The following ASB16 variants were observed in gnomAD, a reference collection of about 807,000 sequenced individuals.
ASB16 encodes ankyrin repeat and SOCS box protein 16.
In ASB16, 44 loss-of-function variants were observed where a neutral mutation model predicts 39.1. That is an observed-to-expected ratio of 1.13 (90% confidence interval 0.88 to 1.45). The LOEUF is 1.45. Ranked by LOEUF, ASB16 falls within the 40% of genes most tolerant of loss-of-function variation. ASB16 has a pLI of 0.00. For synonymous variants in ASB16, 305 were observed against 286.7 expected, an observed-to-expected ratio of 1.06 and a Z score of -0.64; for missense variants, 698 against 634.5, an observed-to-expected ratio of 1.10 and a Z score of -1.07.
Position 44,177,087 on chromosome 17 carries a change from G to T in ASB16, c.919G>T (p.Gly307Trp). ...CCTGGCCGAGCTGCTGCTGCGTTACGGGGCCCGCGCTGAGGTCCCCAATGG... is the reference window on the plus strand; with the variant it reads ...CCTGGCCGAGCTGCTGCTGCGTTACTGGGCCCGCGCTGAGGTCCCCAATGG... ...GGLAELLLRY[G>W]ARAEVPNGAG... The change falls in exon 3 of 5, where the codon GGG becomes TGG. Residue 307 changes from glycine (G) to tryptophan (W), a missense_variant. Physicochemically the swap from Gly to Trp is radical, Grantham distance 184. Coordinates refer to ENST00000293414, the MANE Select transcript of ASB16 (RefSeq NM_080863.5). 1 of 1,475,298 alleles carries T rather than the reference G, an allele frequency of 6.8e-7. No homozygotes were observed. The highest frequency in any genetic ancestry group is 8.9e-7 in the Non-Finnish European group (1 of 1,124,438). 91.4% of individuals were successfully genotyped at this position (1,475,298 alleles called of 1,614,324 possible).
In ASB16 at chr17:44,177,068, C is replaced by A. The variant is rs926436702; in HGVS notation, c.900C>A (p.Ala300=). Residue 300 remains alanine (A), a synonymous_variant, in exon 3 of 5, where the codon GCC becomes GCA. Coordinates refer to ENST00000293414, the MANE Select transcript of ASB16 (RefSeq NM_080863.5). The part of the protein sequence containing the change: ...NACANGCGGL[A]ELLLRYGARA... The stretch of plus-strand genomic sequence containing the variant: ...GTGCCAACGGCTGCGGGGGCCTGGC[C>A]GAGCTGCTGCTGCGTTACGGGGCCC... 1 of 1,472,334 alleles carries A rather than the reference C, an allele frequency of 6.8e-7. No individual in the cohort carries two copies. The highest frequency in any genetic ancestry group is 8.9e-7 in the Non-Finnish European group (1 of 1,124,836). 91.2% of individuals were successfully genotyped at this position (1,472,334 alleles called of 1,614,324 possible).
chr17:44,173,829 G>A (rs1279310302), intron 2 of ASB16, among the ~76,000 whole-genome samples: 2 of 152,062 alleles, frequency 1.3e-5, no homozygotes, highest in Non-Finnish European at 2.9e-5. Context: ...AAAGTGGGAA[G>A]AGAGGTATGG....
intron 2 of ASB16, chr17:44,176,391 C>G (rs1213902622): frequency 2.9e-5 from 9 of 315,614 alleles, no homozygotes; most frequent in Admixed American, 4.9e-5. Flanking sequence ...CAACTGACAA[C>G]TGAATGATTC....
Position 44,177,043 on chromosome 17 carries a change from G to C in ASB16, c.875G>C (p.Cys292Ser), listed in dbSNP as rs2054304655. 6.7e-7 allele frequency: 1 copy of C among 1,487,394 alleles called. No individual in the cohort carries two copies. The highest frequency in any genetic ancestry group is 2.5e-5 in the Admixed American group (1 of 40,350). 92.1% of individuals were successfully genotyped at this position (1,487,394 alleles called of 1,614,324 possible). Residue 292 changes from cysteine to serine, a missense_variant, in exon 3 of 5, where the codon TGT becomes TCT. Transcript: ENST00000293414. ...RKRHTPLHNA[C>S]ANGCGGLAEL... The stretch of plus-strand genomic sequence containing the variant: ...CGCCACACGCCGCTGCACAACGCTT[G>C]TGCCAACGGCTGCGGGGGCCTGGCC...
rs534308231 is a variant in ASB16 at position 44,170,882 on chromosome 17, G to A, written c.93G>A (p.Ala31=). The part of the protein sequence containing the change: ...EWLEWEDRRR[A]AAQQCRSRRC... ...TGGAATGGGAGGACCGGCGGCGGGCGGCTGCCCAGCAGTGCCGGAGCCGCA... is the reference window on the plus strand; with the variant it reads ...TGGAATGGGAGGACCGGCGGCGGGCAGCTGCCCAGCAGTGCCGGAGCCGCA... The change falls in exon 1 of 5, where the codon GCG becomes GCA. Residue 31 remains alanine, a synonymous_variant. Coordinates refer to ENST00000293414, the MANE Select transcript of ASB16 (RefSeq NM_080863.5). 15 of 1,611,520 alleles carry A rather than the reference G, an allele frequency of 9.3e-6. No homozygotes were observed. Among genetic ancestry groups the A allele is most frequent in the Admixed American group, 5.0e-5 (3 of 59,970 alleles).
chr17:44,177,053 C>T lies in ASB16; in HGVS notation c.885C>T (p.Gly295=). ...CGCTGCACAACGCTTGTGCCAACGG[C>T]TGCGGGGGCCTGGCCGAGCTGCTGC... ...HTPLHNACAN[G]CGGLAELLLR... Residue 295 remains glycine, a synonymous_variant, in exon 3 of 5, where the codon GGC becomes GGT. Coordinates refer to ENST00000293414, the MANE Select transcript of ASB16 (RefSeq NM_080863.5). 1.4e-6 allele frequency: 2 copies of T among 1,473,644 alleles called. No homozygotes were observed. Among genetic ancestry groups the T allele is most frequent in the Non-Finnish European group, 8.9e-7 (1 of 1,126,008 alleles). 91.3% of individuals were successfully genotyped at this position (1,473,644 alleles called of 1,614,324 possible).
chr17:44,177,558 C>G (rs775855615), intron 3 of ASB16, 51 bp from the exon 4 acceptor site: 1 of 1,589,202 alleles, frequency 6.3e-7, no homozygotes, highest in Admixed American at 1.7e-5. Flanking sequence ...AGACTTGGGT[C>G]TGCCCTCGGG....
At chr17:44,178,103 A>G in intron 4 of ASB16, 102 bp from the exon 5 acceptor site, 4 of 1,238,600 alleles carry the variant, frequency 3.2e-6, no homozygotes, top group Non-Finnish European at 4.6e-6. Context: ...CACATGAAAC[A>G]CCCAGGTGGG....
At position 44,172,268 on chromosome 17, in the gene ASB16, A is replaced by G; in HGVS notation, c.524A>G (p.Glu175Gly). ...FGAKANVLTE[E>G]GTTPLHLCTI... ...GCCAAGGCTAATGTGCTGACTGAGG[A>G]GGGCACGACTCCTTTGCACCTCTGC... The change falls in exon 2 of 5, where the codon GAG becomes GGG. Residue 175 changes from glutamate (E) to glycine (G), a missense_variant. Glu to Gly is a moderately conservative substitution (Grantham distance 98). Transcript: ENST00000293414. 1 of 1,613,676 alleles carries G rather than the reference A, an allele frequency of 6.2e-7. No individual in the cohort carries two copies. Among genetic ancestry groups the G allele is most frequent in the Non-Finnish European group, 8.5e-7 (1 of 1,180,028 alleles).
In ASB16 at chr17:44,176,962, C is replaced by T; in HGVS notation, c.794C>T (p.Ala265Val). 6.7e-7 allele frequency: 1 copy of T among 1,488,966 alleles called. No individual in the cohort carries two copies. Among genetic ancestry groups the T allele is most frequent in the African/African-American group, 1.5e-5 (1 of 68,446 alleles). 92.2% of individuals were successfully genotyped at this position (1,488,966 alleles called of 1,614,324 possible). A position where few individuals can be genotyped will look rare whatever the true frequency, so the allele number is the denominator to read the frequency against. Residue 265 changes from alanine (A) to valine (V), a missense_variant, in exon 3 of 5, where the codon GCT becomes GTT. Coordinates refer to ENST00000293414, the MANE Select transcript of ASB16 (RefSeq NM_080863.5). ...CCAGGTAGCTGCAGGCGACACCAGGCTGCGGCGCGCCGGCTCCTGGAGGCT... is the reference window on the plus strand; with the variant it reads ...CCAGGTAGCTGCAGGCGACACCAGGTTGCGGCGCGCCGGCTCCTGGAGGCT... ...EGPGSCRRHQAAARRLLEAGA... is the reference protein window; with the variant it reads ...EGPGSCRRHQVAARRLLEAGA...
chr17:44,177,557 T>G, intron 3 of ASB16, 52 bp from the exon 4 acceptor site: 1 of 1,588,568 alleles, frequency 6.3e-7, no homozygotes, highest in Non-Finnish European at 8.6e-7. Context: ...AAGACTTGGG[T>G]CTGCCCTCGG....
intron 4 of ASB16, 146 bp from the exon 5 acceptor site, chr17:44,178,059 G>A (rs1002626997): frequency 3.6e-5 from 30 of 834,024 alleles, no homozygotes; most frequent in Non-Finnish European, 5.5e-5. Flanking sequence ...ATCACTGCAG[G>A]GCCTCTATGG....
rs77412055 is a variant in ASB16, at chr17:44,171,735, C to T, written c.302-311C>T. Among the ~76,000 whole-genome samples, 998 of 152,118 alleles carry T rather than the reference C, an allele frequency of 6.6e-3. 12 individuals are homozygous for T. The highest frequency in any genetic ancestry group is 0.022 in the African/African-American group (898 of 41,504). On this transcript the variant is annotated intron_variant, in intron 1 of 4. Transcript: ENST00000293414. The stretch of plus-strand genomic sequence containing the variant: ...TTTGACACTATTAGCCATTCAAAGA[C>T]GCTGAGATTTCCTTAATGGGAGTCA...
In ASB16 at chr17:44,178,277, C is replaced by T. The variant is rs139954144; in HGVS notation, c.1249C>T (p.Leu417=). ...QPRQLQHLAR[L]AVRARLGSRC... ...AAGGCAGCTGCAGCACCTGGCCCGA[C>T]TAGCTGTGCGCGCTCGGTTGGGAAG... The change falls in exon 5 of 5, where the codon CTA becomes TTA. Residue 417 remains leucine, a synonymous_variant. Coordinates refer to ENST00000293414, the MANE Select transcript of ASB16 (RefSeq NM_080863.5). The T allele has an allele frequency of 6.2e-6, 10 of 1,613,404 alleles. No homozygotes were observed.
At chr17:44,175,101 CAAAA>C (rs11479738) in intron 2 of ASB16, among the ~76,000 whole-genome samples, 9 of 95,950 alleles carry the variant, frequency 9.4e-5, no homozygotes, top group African/African-American at 1.4e-4. Flanking sequence ...GACTCTGCCT[CAAAA>C]AAAAAAAAAA....
At position 44,177,700 on chromosome 17, in the gene ASB16, C is replaced by T. The variant is rs1273980455; in HGVS notation, c.1154C>T (p.Ala385Val). The T allele has an allele frequency of 1.2e-5, 20 of 1,613,576 alleles. No individual in the cohort carries two copies. The highest frequency in any genetic ancestry group is 6.7e-5 in the East Asian group (3 of 44,876). Residue 385 changes from alanine to valine, a missense_variant, in exon 4 of 5, where the codon GCG (alanine) becomes GTG (valine). Physicochemically the swap from Ala to Val is moderately conservative, Grantham distance 64 (BLOSUM62 0). Coordinates refer to ENST00000293414, the MANE Select transcript of ASB16 (RefSeq NM_080863.5). ...CCATCCTGTGAGACCTGGGTGGAGG[C>T]GGTGCTCCCAGAGCTGTGGAAGGTA... ...CVPSCETWVE[A>V]VLPELWKEHE...
Position 44,172,150 on chromosome 17 carries a change from G to A in ASB16, c.406G>A (p.Glu136Lys). The A allele has an allele frequency of 1.2e-6, 2 of 1,612,134 alleles. No homozygotes were observed. Among genetic ancestry groups the A allele is most frequent in the South Asian group, 2.2e-5 (2 of 91,084 alleles). ...CARHLIRQGA[E>K]LDARVGGRAA... The stretch of plus-strand genomic sequence containing the variant: ...TCGACACCTGATCCGGCAGGGAGCT[G>A]AGCTGGATGCCCGTGTCGGGGGTCG... Residue 136 changes from glutamate (E) to lysine (K), a missense_variant, in exon 2 of 5, where the codon GAG becomes AAG. Glu to Lys is a moderately conservative substitution (Grantham distance 56). Transcript: ENST00000293414.
At chr17:44,177,364 C>A in intron 3 of ASB16, 134 bp downstream of exon 3, 2 of 1,314,004 alleles carry the variant, frequency 1.5e-6, no homozygotes, top group Non-Finnish European at 1.0e-6. Context: ...CTGTCCCCAG[C>A]TTGGGAGGGG....
At chr17:44,178,155 C>G in intron 4 of ASB16, 50 bp from the exon 5 acceptor site, 1 of 1,602,408 alleles carries the variant, frequency 6.2e-7, no homozygotes, top group Non-Finnish European at 8.5e-7. Context: ...CTGGGTTGCC[C>G]CCAGATGGTA....
Sources: gnomAD v4.1 joint callset for allele counts (sites outside exome capture counted in the v4.1 genomes callset) on GRCh38, gnomAD v4.1.1 for gene constraint, MANE v1.5 for transcripts, NCBI Gene and HGNC (gene_info 2026-07-23, HGNC 2026-07-21) for gene names.